The following CCDC144A variants were observed in gnomAD, a reference collection of about 807,000 sequenced individuals.
CCDC144A encodes coiled-coil domain-containing protein 144A.
CCDC144A carries 41 observed loss-of-function variants against 143.8 expected under a neutral mutation model. The ratio of observed to expected loss-of-function variants is 0.29; its 90% CI spans 0.22 to 0.37. CCDC144A has a LOEUF of 0.37. Ranked by LOEUF, CCDC144A falls within the 10% of genes least tolerant of loss-of-function variation. The pLI is 1.00. For synonymous variants in CCDC144A, 242 were observed against 517.9 expected (o/e 0.47, Z 7.23); for missense variants, 637 against 1,488.8 (o/e 0.43, Z 9.41).
intron 2 of CCDC144A, among the ~76,000 whole-genome samples, chr17:16,699,497 T>TC (rs1376085411): frequency 1.4e-3 from 74 of 51,920 alleles, no homozygotes; most frequent in East Asian, 3.0e-3. Flanking sequence ...TGCCTCAGCC[T>TC]CCTGAGTAGC....
the CCDC144A span, chr17:16,683,819 G>A: frequency 7.0e-7 from 1 of 1,421,942 alleles, no homozygotes; most frequent in Admixed American, 1.7e-5. Context: ...GAAGCCGAGC[G>A]TGAAGCCGGC....
chr17:16,745,757 G>A (rs1914471825), intron 12 of CCDC144A: 1 of 1,613,618 alleles, frequency 6.2e-7, no homozygotes, highest in African/African-American at 1.3e-5. Flanking sequence ...AGGCTGGCCG[G>A]TCCTTGTTTG....
chr17:16,723,680 G>A (rs1270697221), intron 8 of CCDC144A, among the ~76,000 whole-genome samples: 2 of 152,080 alleles, frequency 1.3e-5, no homozygotes, highest in African/African-American at 2.4e-5. Context: ...AGGTGAATGA[G>A]CCCTCTGGGG....
upstream of CCDC144A, among the ~76,000 whole-genome samples, chr17:16,686,355 G>A (rs1284740717): frequency 6.6e-6 from 1 of 151,970 alleles, no homozygotes; most frequent in African/African-American, 2.4e-5. Flanking sequence ...CTCCATTTTT[G>A]TCTGTATCCT....
chr17:16,743,886 C>T (rs552313651), intron 12 of CCDC144A, among the ~76,000 whole-genome samples: 134 of 152,346 alleles, frequency 8.8e-4, no homozygotes, highest in African/African-American at 3.1e-3. Flanking sequence ...ATCTTTATGT[C>T]CATGTGTACC....
At chr17:16,753,544 A>G (rs1914921619) in intron 12 of CCDC144A, among the ~76,000 whole-genome samples, 1 of 140,140 alleles carries the variant, frequency 7.1e-6, no homozygotes, top group Non-Finnish European at 1.5e-5. Flanking sequence ...GGCCTTCTTG[A>G]TGTCTTTTTA....
the CCDC144A span, among the ~76,000 whole-genome samples, chr17:16,667,675 G>T: frequency 0.025 from 3,798 of 151,952 alleles, 63 homozygotes; most frequent in Non-Finnish European, 0.031. Context: ...TGGCAAGAAT[G>T]TTATTTAGGA....
In CCDC144A at chr17:16,763,989, C is replaced by T; in HGVS notation, c.3912C>T (p.Val1304=). 3.7e-6 allele frequency: 6 copies of T among 1,611,812 alleles called. No individual in the cohort carries two copies. The South Asian group carries it at 5.5e-5, about 15-fold the overall frequency. The part of the protein sequence containing the change: ...LSRTNEMIAE[V]STQLTVEKEQ... ...GAACTAATGAGATGATAGCAGAGGT[C>T]AGTACGCAACTTACTGTGGAGAAAG... Residue 1304 remains valine (V), a synonymous_variant, in exon 15 of 17, where the codon GTC becomes GTT. Transcript: ENST00000399273.
At chr17:16,677,722 A>G in the CCDC144A span, among the ~76,000 whole-genome samples, 4 of 151,848 alleles carry the variant, frequency 2.6e-5, no homozygotes, top group Non-Finnish European at 5.9e-5. Flanking sequence ...GAGGCTAATC[A>G]CTTGAACCCG....
At chr17:16,721,872 A>T (rs1298283171) in intron 8 of CCDC144A, among the ~76,000 whole-genome samples, 8 of 152,172 alleles carry the variant, frequency 5.3e-5, no homozygotes, top group African/African-American at 2.4e-5. Flanking sequence ...ACCCATCCCT[A>T]TTATGTGATC....
chr17:16,718,157 G>A (rs1489016694), intron 6 of CCDC144A, among the ~76,000 whole-genome samples: 3 of 152,154 alleles, frequency 2.0e-5, no homozygotes, highest in Non-Finnish European at 1.5e-5. Context: ...TTATGATGAG[G>A]GCTGGTAACT....
intron 12 of CCDC144A, among the ~76,000 whole-genome samples, chr17:16,748,122 A>G (rs1437185826): frequency 1.3e-5 from 2 of 152,038 alleles, no homozygotes; most frequent in African/African-American, 4.8e-5. Flanking sequence ...GCCTCAAGTG[A>G]TTCTCCTGTC....
rs527561075 is a variant in CCDC144A at position 16,776,625 on chromosome 17, A to G, written c.*2992A>G. On this transcript the variant is annotated 3_prime_UTR_variant, in exon 17 of 17. Transcript: ENST00000399273. ...GCTGAGATGATGGAGTTTTCTAGAT[A>G]TAGGATCATATCATCTGCAAACAAA... 2.0e-5 allele frequency: 3 copies of G among 152,298 alleles called. No individual in the cohort carries two copies. The South Asian group carries it at 6.2e-4, about 32-fold the overall frequency. The allele number at this position is 152,298 out of a possible 1,614,324, so 9.4% of individuals were successfully genotyped here. A position where few individuals can be genotyped will look rare whatever the true frequency, so the allele number is the denominator to read the frequency against.
chr17:16,692,513 G>C (rs1911148584), intron 1 of CCDC144A, among the ~76,000 whole-genome samples: 1 of 92,658 alleles, frequency 1.1e-5, no homozygotes, highest in Non-Finnish European at 2.1e-5. Flanking sequence ...GGTTTTATTT[G>C]TGATTCCAAA....
At chr17:16,684,840 G>GT (rs1332678804), upstream of CCDC144A, among the ~76,000 whole-genome samples, 3 of 152,090 alleles carry the variant, frequency 2.0e-5, no homozygotes, top group Non-Finnish European at 2.9e-5. Flanking sequence ...GTGCATGCCT[G>GT]TAGTCTAGTT....
chr17:16,770,018 G>A (rs1915763183), intron 15 of CCDC144A, among the ~76,000 whole-genome samples: 2 of 151,120 alleles, frequency 1.3e-5, no homozygotes, highest in African/African-American at 4.9e-5. Context: ...AGTAGAGACG[G>A]GGTTTCACCA....
intron 12 of CCDC144A, among the ~76,000 whole-genome samples, chr17:16,741,909 C>A (rs1012807003): frequency 2.6e-5 from 4 of 151,916 alleles, no homozygotes; most frequent in African/African-American, 9.7e-5. Context: ...TTTCAAAATC[C>A]TCCCCTCTAG....
chr17:16,723,841 A>G (rs1449822504), intron 8 of CCDC144A, among the ~76,000 whole-genome samples: 1 of 152,198 alleles, frequency 6.6e-6, no homozygotes, highest in Non-Finnish European at 1.5e-5. Flanking sequence ...AGACAATACC[A>G]GATGCTTATT....
At chr17:16,712,355 GAA>G (rs1490460181) in intron 6 of CCDC144A, among the ~76,000 whole-genome samples, 1 of 152,046 alleles carries the variant, frequency 6.6e-6, no homozygotes, top group Non-Finnish European at 1.5e-5. Context: ...CAAATGTGAA[GAA>G]AAAGGCGTTT....
Sources: allele counts gnomAD v4.1 joint callset (sites outside exome capture counted in the v4.1 genomes callset), GRCh38; gene constraint gnomAD v4.1.1; transcripts MANE v1.5; gene names NCBI Gene and HGNC (gene_info 2026-07-23, HGNC 2026-07-21).